EVC2: variants seen among roughly 807,000 people sequenced by gnomAD.
The protein encoded by EVC2 is limbin.
In EVC2, 148 loss-of-function variants were observed where a neutral mutation model predicts 149.3. The observed-to-expected ratio is 0.99, with a 90% CI of 0.87 to 1.14. The LOEUF is 1.14. Among genes scored for constraint, EVC2 ranks in the 50% most tolerant of loss-of-function variants. The probability of loss-of-function intolerance (pLI) is 0.00; values close to 1 mark genes in which losing one functional copy is unlikely to be tolerated. For missense variants in EVC2, 1,854 were observed against 1,627.3 expected (o/e 1.14, Z -2.40); for synonymous variants, 776 against 649.9 (o/e 1.19, Z -2.95).
At position 5,636,959 on chromosome 4, in the gene EVC2, G is replaced by A. The variant is rs1029007061; in HGVS notation, c.1470+3555C>T. 6.6e-6 allele frequency among the ~76,000 whole-genome samples: 1 copy of A among 152,164 alleles called. No individual in the cohort carries two copies. Among genetic ancestry groups the A allele is most frequent in the African/African-American group, 2.4e-5 (1 of 41,414 alleles). On this transcript the variant is annotated intron_variant, in intron 10 of 21. Coordinates refer to ENST00000344408, the MANE Select transcript of EVC2 (RefSeq NM_147127.5). This position sits in a 1 kb window ranked among gnomAD's most constrained non-coding sequence, Gnocchi z 4.6. The stretch of plus-strand genomic sequence containing the variant: ...CAGATACTATTTCTGGAAACAGATT[G>A]GTTCAAATAAGGCGGCTGCTTGTCT...
chr4:5,706,593 C>T (rs1722216445), intron 1 of EVC2, among the ~76,000 whole-genome samples: 1 of 151,906 alleles, frequency 6.6e-6, no homozygotes, highest in African/African-American at 2.4e-5. Context: ...GGGAACAGCC[C>T]TTACACCATT....
Position 5,665,577 on chromosome 4 carries a change from C to A in EVC2, c.943G>T (p.Ala315Ser). Residue 315 changes from alanine (A) to serine (S), a missense_variant, in exon 8 of 22, where the codon GCT (alanine) becomes TCT (serine). Transcript: ENST00000344408. ...AFLLSLVLTWAALFLMVRYQC... is the reference protein window; with the variant it reads ...AFLLSLVLTWSALFLMVRYQC... Reference sequence around the variant, plus strand: ...TAGCGAACCATGAGGAAGAGGGCAGCCCAGGTCAGCACAAGGGAGAGGAGG... The same window carrying A: ...TAGCGAACCATGAGGAAGAGGGCAGACCAGGTCAGCACAAGGGAGAGGAGG... 6.2e-7 allele frequency: 1 copy of A among 1,614,180 alleles called. No individual in the cohort carries two copies. The highest frequency in any genetic ancestry group is 8.5e-7 in the Non-Finnish European group (1 of 1,180,030).
intron 9 of EVC2, among the ~76,000 whole-genome samples, chr4:5,644,779 T>C (rs114924059): frequency 0.012 from 1,816 of 152,312 alleles, 28 homozygotes; most frequent in African/African-American, 0.042. Context: ...GAACATGTCA[T>C]ATTTGTCTTT....
intron 9 of EVC2, among the ~76,000 whole-genome samples, chr4:5,646,170 A>T (rs1383706020): frequency 6.6e-6 from 1 of 152,082 alleles, no homozygotes; most frequent in Non-Finnish European, 1.5e-5. Flanking sequence ...ACCTCAAGTG[A>T]TCCACCTCCC....
Position 5,622,632 on chromosome 4 carries a change from A to G in EVC2, c.2406T>C (p.Gly802=). The change falls in exon 14 of 22, where the codon GGT becomes GGC. Residue 802 remains glycine (G), a synonymous_variant. Transcript: ENST00000344408. The surrounding 1 kb of genome is among the most constrained non-coding windows in gnomAD (Gnocchi z 5.8). ...EGEERDRDQE[G]VQSVRQRLKD... ...TCAGTCTCTGCCTCACGCTCTGGAC[A>G]CCCTCCTGGTCCCTGTCCCTCTCCT... The G allele has an allele frequency of 6.2e-7, 1 of 1,613,332 alleles. No individual in the cohort carries two copies. The highest frequency in any genetic ancestry group is 2.2e-5 in the East Asian group (1 of 44,798).
chr4:5,630,516 T>C (rs1577181662), intron 11 of EVC2, among the ~76,000 whole-genome samples: 2 of 152,132 alleles, frequency 1.3e-5, no homozygotes, highest in Non-Finnish European at 2.9e-5. Flanking sequence ...CTAGCACAAG[T>C]AGGGAATTTC....
chr4:5,536,960 G>A, the EVC2 span, among the ~76,000 whole-genome samples: 2 of 152,280 alleles, frequency 1.3e-5, no homozygotes, highest in Non-Finnish European at 1.5e-5. Context: ...TCTGAGAAAG[G>A]TAAATTAAAA....
intron 16 of EVC2, among the ~76,000 whole-genome samples, chr4:5,585,401 G>A (rs531682329): frequency 7.2e-5 from 11 of 152,186 alleles, no homozygotes; most frequent in African/African-American, 2.6e-4. Flanking sequence ...TGTCTTTTGG[G>A]TCTATAGTTT....
At chr4:5,596,752 A>T (rs532283454) in intron 16 of EVC2, among the ~76,000 whole-genome samples, 1 of 152,298 alleles carries the variant, frequency 6.6e-6, no homozygotes, top group African/African-American at 2.4e-5. Context: ...AGACACAAAA[A>T]ACCCTTCAAA....
chr4:5,575,241 C>A (rs1722851253), intron 18 of EVC2, among the ~76,000 whole-genome samples: 1 of 152,340 alleles, frequency 6.6e-6, no homozygotes, highest in East Asian at 1.9e-4. Flanking sequence ...TTAGCTAATG[C>A]AAGTCAGCTT....
Position 5,613,152 on chromosome 4 carries a change from C to G in EVC2, c.2829+2270G>C, listed in dbSNP as rs149425881. ...CTCCAAGGGTGCTGGTGAGATGGCCCTTAGCTTTCTCAGCCTGGCCTTTGA... is the reference window on the plus strand; with the variant it reads ...CTCCAAGGGTGCTGGTGAGATGGCCGTTAGCTTTCTCAGCCTGGCCTTTGA... On this transcript the variant is annotated intron_variant, in intron 16 of 21. Transcript: ENST00000344408. This position sits in a 1 kb window ranked among gnomAD's most constrained non-coding sequence, Gnocchi z 4.6. Among the ~76,000 whole-genome samples the G allele has an allele frequency of 1.3e-5, 2 of 152,188 alleles. No individual in the cohort carries two copies. Among genetic ancestry groups the G allele is most frequent in the South Asian group, 2.1e-4 (1 of 4,818 alleles).
At chr4:5,691,509 CT>C (rs1721118564) in intron 3 of EVC2, among the ~76,000 whole-genome samples, 176 bp from the exon 4 acceptor site, 1 of 152,150 alleles carries the variant, frequency 6.6e-6, no homozygotes, top group Admixed American at 6.5e-5. Flanking sequence ...GAAATTAAAA[CT>C]TATGGAAAGA....
At position 5,567,416 on chromosome 4, in the gene EVC2, C is replaced by G. The variant is rs996777004; in HGVS notation, c.3557+1028G>C. On this transcript the variant is annotated intron_variant, in intron 20 of 21. Transcript: ENST00000344408. This position sits in a 1 kb window ranked among gnomAD's most constrained non-coding sequence, Gnocchi z 4.4. ...CCCCTTTTCTCAGGACAAATGCTAT[C>G]TACACAGTCATGATGGTTCAGCAGG... is the stretch of plus-strand genomic sequence containing the variant. Among the ~76,000 whole-genome samples, 5 of 152,188 alleles carry G rather than the reference C, an allele frequency of 3.3e-5. No homozygotes were observed. Among genetic ancestry groups the G allele is most frequent in the Non-Finnish European group, 7.3e-5 (5 of 68,042 alleles).
At chr4:5,596,853 A>G (rs1203067003) in intron 16 of EVC2, among the ~76,000 whole-genome samples, 1 of 152,248 alleles carries the variant, frequency 6.6e-6, no homozygotes, top group Non-Finnish European at 1.5e-5. Flanking sequence ...GAAGAATCAA[A>G]TACACGCAAT....
chr4:5,649,266 T>G (rs1176387118), intron 9 of EVC2, among the ~76,000 whole-genome samples: 1 of 152,212 alleles, frequency 6.6e-6, no homozygotes, highest in Non-Finnish European at 1.5e-5. Flanking sequence ...TGAACATATT[T>G]TCTCTGGCCA....
At chr4:5,664,453 G>C (rs145348697) in intron 8 of EVC2, among the ~76,000 whole-genome samples, 185 of 152,260 alleles carry the variant, frequency 1.2e-3, no homozygotes, top group African/African-American at 4.2e-3. Context: ...TTAATCTCTG[G>C]AAAATGAATC....
At position 5,618,120 on chromosome 4, in the gene EVC2, G is replaced by A. The variant is rs1036689900; in HGVS notation, c.2706+358C>T. Among the ~76,000 whole-genome samples the A allele has an allele frequency of 3.9e-5, 6 of 152,196 alleles. No homozygotes were observed. The highest frequency in any genetic ancestry group is 1.2e-4 in the African/African-American group (5 of 41,440). ...CATATAGAAAGGCCTTTTGTACCCA[G>A]AGTCAGTCATTAGCTGTGGCTGGAG... On this transcript the variant is annotated intron_variant, in intron 15 of 21. Coordinates refer to ENST00000344408, the MANE Select transcript of EVC2 (RefSeq NM_147127.5). This position sits in a 1 kb window ranked among gnomAD's most constrained non-coding sequence, Gnocchi z 4.4.
In EVC2 at chr4:5,685,368, A is replaced by G. The variant is rs1294715119; in HGVS notation, c.816+2T>C. 4 of 1,613,924 alleles carry G rather than the reference A, an allele frequency of 2.5e-6. No homozygotes were observed. The highest frequency in any genetic ancestry group is 1.7e-5 in the Admixed American group (1 of 60,024). Reference sequence around the variant, plus strand: ...CAGAGATTAAAGTAACAAAGGTCATACCCGTGACGAGCTCTGAAAGGTGAG... The same window carrying G: ...CAGAGATTAAAGTAACAAAGGTCATGCCCGTGACGAGCTCTGAAAGGTGAG... On this transcript the variant is annotated splice_donor_variant, in intron 6 of 21. Transcript: ENST00000344408. LOFTEE classifies it high-confidence loss of function.
intron 21 of EVC2, among the ~76,000 whole-genome samples, chr4:5,553,232 G>C (rs555020473): frequency 6.6e-6 from 1 of 152,264 alleles, no homozygotes; most frequent in African/African-American, 2.4e-5. Context: ...AGGAGCAGGA[G>C]CAAGTGGAGT....
Sources: gnomAD v4.1 joint callset for allele counts (sites outside exome capture counted in the v4.1 genomes callset) on GRCh38, gnomAD v4.1.1 for gene constraint, Gnocchi (gnomAD v3.1) non-coding constraint, MANE v1.5 for transcripts, NCBI Gene and HGNC (gene_info 2026-07-23, HGNC 2026-07-21) for gene names.